The following CREB5 variants were observed in gnomAD, a reference collection of about 807,000 sequenced individuals.
CREB5 encodes cAMP responsive element binding protein 5.
In CREB5, 19 loss-of-function variants were observed where a neutral mutation model predicts 57.1. That is an observed-to-expected ratio of 0.33 (90% CI 0.23 to 0.49). CREB5 has a LOEUF of 0.49. CREB5 is among the 20% of genes least tolerant of loss of function. The probability of loss-of-function intolerance (pLI) is 0.99; values close to 1 mark genes in which losing one functional copy is unlikely to be tolerated. For synonymous variants in CREB5, 238 were observed against 238.3 expected (o/e 1.00, Z 0.01); for missense variants, 579 against 671.6 (o/e 0.86, Z 1.52).
chr7:28,765,911 T>G (rs1562626285), intron 7 of CREB5, among the ~76,000 whole-genome samples: 1 of 152,182 alleles, frequency 6.6e-6, no homozygotes, highest in Admixed American at 6.5e-5. Context: ...AGTTCGAGAA[T>G]TAATATCAAG....
intron 1 of CREB5, among the ~76,000 whole-genome samples, chr7:28,358,522 C>A (rs543232036): frequency 2.0e-5 from 3 of 152,234 alleles, no homozygotes; most frequent in Non-Finnish European, 4.4e-5. Flanking sequence ...GGTGGTTAAC[C>A]AAAGCATGTT....
At chr7:28,570,836 G>A (rs1795672339) in intron 5 of CREB5, among the ~76,000 whole-genome samples, 1 of 152,018 alleles carries the variant, frequency 6.6e-6, no homozygotes, top group Non-Finnish European at 1.5e-5. Context: ...TGGTTGTTAT[G>A]GAGACCAGAG....
At chr7:28,780,997 T>C (rs1269143789) in intron 7 of CREB5, among the ~76,000 whole-genome samples, 1 of 152,250 alleles carries the variant, frequency 6.6e-6, no homozygotes, top group Non-Finnish European at 1.5e-5. Context: ...AATTGTGTTA[T>C]TTCTGTAACT....
intron 1 of CREB5, among the ~76,000 whole-genome samples, chr7:28,448,732 C>A (rs998059523): frequency 6.6e-6 from 1 of 152,212 alleles, no homozygotes; most frequent in East Asian, 1.9e-4. Context: ...GAGGAATTGA[C>A]GAGCTAGCTG....
At chr7:28,358,303 G>A (rs1038404265) in intron 1 of CREB5, among the ~76,000 whole-genome samples, 17 of 152,256 alleles carry the variant, frequency 1.1e-4, no homozygotes, top group Admixed American at 5.2e-4. Flanking sequence ...CTGCTCACAC[G>A]ACTCTCAGAT....
At chr7:28,399,146 A>G (rs192975711) in intron 1 of CREB5, among the ~76,000 whole-genome samples, 75 of 152,332 alleles carry the variant, frequency 4.9e-4, no homozygotes, top group African/African-American at 1.7e-3. Context: ...AGCTGATATA[A>G]GAGTGGGGAA....
chr7:28,755,104 A>G (rs892638729), intron 7 of CREB5, among the ~76,000 whole-genome samples: 4 of 152,202 alleles, frequency 2.6e-5, no homozygotes, highest in Admixed American at 2.0e-4. Flanking sequence ...AAGATTGGTT[A>G]GGATAGGCAT....
intron 7 of CREB5, among the ~76,000 whole-genome samples, chr7:28,780,165 C>T (rs1290430345): frequency 1.3e-5 from 2 of 152,186 alleles, no homozygotes; most frequent in Admixed American, 6.5e-5. Context: ...ATCTCCCACA[C>T]ATCGTCAGCC....
intron 7 of CREB5, among the ~76,000 whole-genome samples, chr7:28,758,440 G>A (rs543871246): frequency 6.6e-6 from 1 of 152,318 alleles, no homozygotes; most frequent in South Asian, 2.1e-4. Context: ...TGTTGGAAGT[G>A]TGAGGGCTGG....
At chr7:28,507,862 T>C (rs1246710461) in intron 4 of CREB5, 125 bp downstream of exon 4, 11 of 1,168,726 alleles carry the variant, frequency 9.4e-6, no homozygotes, top group Middle Eastern at 3.1e-4. Context: ...TTTGTGAGTA[T>C]TTGTCTAATT....
intron 5 of CREB5, among the ~76,000 whole-genome samples, chr7:28,618,170 G>A (rs1236805968): frequency 6.6e-6 from 1 of 152,132 alleles, no homozygotes; most frequent in Non-Finnish European, 1.5e-5. Context: ...TCAGTCCTGA[G>A]GGTACACTGA....
At chr7:28,679,052 C>CTTTTTTTTTTTTTTTTT (rs56266854) in intron 5 of CREB5, among the ~76,000 whole-genome samples, 7 of 123,856 alleles carry the variant, frequency 5.7e-5, no homozygotes, top group East Asian at 5.0e-4. Context: ...TTTTGTAGTT[C>CTTTTTTTTTTTTTTTTT]TTTTTTTTTT....
At chr7:28,560,885 T>TGTGCGCGTGC (rs1365184678) in intron 4 of CREB5, among the ~76,000 whole-genome samples, 2,346 of 26,352 alleles carry the variant, frequency 0.089, 473 homozygotes, top group South Asian at 0.21. Context: ...CGTGCGTGCG[T>TGTGCGCGTGC]GCGTGTGTGT....
intron 5 of CREB5, among the ~76,000 whole-genome samples, chr7:28,669,516 T>A (rs1799949141): frequency 6.6e-6 from 1 of 152,202 alleles, no homozygotes; most frequent in South Asian, 2.1e-4. Flanking sequence ...TTGTGTAAGA[T>A]GTTACCATGA....
intron 4 of CREB5, among the ~76,000 whole-genome samples, chr7:28,548,738 C>T (rs1794511714): frequency 6.6e-6 from 1 of 152,070 alleles, no homozygotes; most frequent in South Asian, 2.1e-4. Flanking sequence ...GCCAATTAGC[C>T]CGAATTATGT....
rs76588682 is a variant in CREB5, at chr7:28,566,434, C to A, written c.292-3931C>A. On this transcript the variant is annotated intron_variant, in intron 4 of 10. Transcript: ENST00000357727. The stretch of plus-strand genomic sequence containing the variant: ...TCTTTCCCTGCATATTGACATCCAT[C>A]CATCCACTAGTTTGGTGACATTGTT... 4.3e-4 allele frequency among the ~76,000 whole-genome samples: 66 copies of A among 152,344 alleles called. No homozygotes were observed. The East Asian group carries it at 0.012, about 28-fold the overall frequency.
chr7:28,690,994 AAGGACAC>A, intron 5 of CREB5, among the ~76,000 whole-genome samples: 1 of 152,322 alleles, frequency 6.6e-6, no homozygotes, highest in East Asian at 1.9e-4. Flanking sequence ...GGGTGGAGGG[AAGGACAC>A]AGGACATCAC....
chr7:28,385,211 C>T (rs1485442318), intron 1 of CREB5, among the ~76,000 whole-genome samples: 2 of 152,088 alleles, frequency 1.3e-5, no homozygotes, highest in Non-Finnish European at 2.9e-5. Flanking sequence ...TATTGATGTC[C>T]TCTGAAAACA....
intron 5 of CREB5, among the ~76,000 whole-genome samples, chr7:28,643,759 G>GT (rs372646801): frequency 2.6e-5 from 2 of 77,646 alleles, no homozygotes; most frequent in Non-Finnish European, 4.9e-5. Flanking sequence ...GGTGGGGGGG[G>GT]GCGGAAGAAA....
Sources: gnomAD v4.1 joint callset for allele counts (sites outside exome capture counted in the v4.1 genomes callset) on GRCh38, gnomAD v4.1.1 for gene constraint, MANE v1.5 for transcripts, NCBI Gene and HGNC (gene_info 2026-07-23, HGNC 2026-07-21) for gene names.